Variants in MTHFD1L observed in about 807,000 individuals in gnomAD.
MTHFD1L encodes the protein methylenetetrahydrofolate dehydrogenase (NADP+ dependent) 1 like.
MTHFD1L carries 81 observed loss-of-function variants against 119.5 expected under a neutral mutation model. The ratio of observed to expected loss-of-function variants is 0.68; its 90% confidence interval spans 0.57 to 0.82. The LOEUF is 0.82. MTHFD1L is among the 40% of genes least tolerant of loss of function. The probability of loss-of-function intolerance (pLI) is 0.00; values close to 1 mark genes in which losing one functional copy is unlikely to be tolerated. For missense variants in MTHFD1L, 1,125 were observed against 1,253.4 expected, an observed-to-expected ratio of 0.90 and a Z score of 1.55; for synonymous variants, 430 against 475.2, an observed-to-expected ratio of 0.90 and a Z score of 1.24.
intron 12 of MTHFD1L, 125 bp downstream of exon 12, chr6:150,937,065 A>C: frequency 1.7e-6 from 2 of 1,197,596 alleles, no homozygotes; most frequent in Non-Finnish European, 2.3e-6. Context: ...TCTTCACTGC[A>C]CACTCAGTAC....
chr6:151,016,025 T>C (rs1782999357), intron 24 of MTHFD1L, among the ~76,000 whole-genome samples: 1 of 152,154 alleles, frequency 6.6e-6, no homozygotes, highest in African/African-American at 2.4e-5. Context: ...AGGTGGAGGC[T>C]GCAGTGAGCC....
At chr6:151,093,850 G>A (rs1794667570) in intron 27 of MTHFD1L, among the ~76,000 whole-genome samples, 2 of 152,152 alleles carry the variant, frequency 1.3e-5, no homozygotes, top group Admixed American at 6.5e-5. Context: ...GAAGGGCAGG[G>A]CAGCAGAAAG....
At position 150,952,667 on chromosome 6, in the gene MTHFD1L, C is replaced by T. The variant is rs548214902; in HGVS notation, c.1727-3328C>T. 2.6e-5 allele frequency among the ~76,000 whole-genome samples: 4 copies of T among 152,186 alleles called. No homozygotes were observed. The East Asian group carries it at 7.8e-4, about 30-fold the overall frequency. ...GCCTCAGCCTCCCGAGTAGCTGGGACTACAGGCATGCGCCACCATGCCCAG... is the reference window on the plus strand; with the variant it reads ...GCCTCAGCCTCCCGAGTAGCTGGGATTACAGGCATGCGCCACCATGCCCAG... On this transcript the variant is annotated intron_variant, in intron 16 of 27. Transcript: ENST00000367321.
chr6:150,885,583 A>G (rs1370504915), intron 5 of MTHFD1L, 51 bp from the exon 6 acceptor site: 7 of 1,421,460 alleles, frequency 4.9e-6, no homozygotes, highest in Non-Finnish European at 7.0e-6. Context: ...CACGTGAGTG[A>G]TTTTTTTGGC....
At chr6:150,896,943 T>TA (rs59564631) in intron 7 of MTHFD1L, among the ~76,000 whole-genome samples, 2,070 of 146,600 alleles carry the variant, frequency 0.014, 49 homozygotes, top group African/African-American at 0.047. Flanking sequence ...CTGTCTCTAC[T>TA]AAAAAAAAAA....
At chr6:150,999,944 C>T (rs182428147) in intron 20 of MTHFD1L, among the ~76,000 whole-genome samples, 1 of 152,226 alleles carries the variant, frequency 6.6e-6, no homozygotes, top group Admixed American at 6.5e-5. Context: ...TCCCCAGTAA[C>T]TTCCTCATGT....
intron 26 of MTHFD1L, among the ~76,000 whole-genome samples, chr6:151,081,498 C>CAAAAAAAAG (rs1793161527): frequency 1.0e-5 from 1 of 98,194 alleles, no homozygotes; most frequent in African/African-American, 4.6e-5. Flanking sequence ...ACTAAAAATG[C>CAAAAAAAAG]AAAAAAAAAA....
chr6:150,898,754 C>T (rs150269913), intron 7 of MTHFD1L: 3 of 303,182 alleles, frequency 9.9e-6, no homozygotes, highest in Non-Finnish European at 1.8e-5. Context: ...CCTGTTACCA[C>T]CCCCCATCTA....
At position 150,916,829 on chromosome 6, in the gene MTHFD1L, C is replaced by G. The variant is rs556745813; in HGVS notation, c.893-1748C>G. Among the ~76,000 whole-genome samples the G allele has an allele frequency of 1.7e-4, 21 of 126,924 alleles. No homozygotes were observed. The East Asian group carries it at 5.5e-3, about 33-fold the overall frequency. 83.3% of individuals were successfully genotyped at this position (126,924 alleles called of 152,430 possible). On this transcript the variant is annotated intron_variant, in intron 8 of 27. Transcript: ENST00000367321. Reference sequence around the variant, plus strand: ...CCAGGCTGGAGAGCAATGGCACGATCTCAGCTCACTGCAACCTCGGCCTCC... The same window carrying G: ...CCAGGCTGGAGAGCAATGGCACGATGTCAGCTCACTGCAACCTCGGCCTCC...
At chr6:150,901,892 TA>T (rs1659747406) in intron 7 of MTHFD1L, among the ~76,000 whole-genome samples, 1 of 152,226 alleles carries the variant, frequency 6.6e-6, no homozygotes, top group Non-Finnish European at 1.5e-5. Flanking sequence ...ACTGTGTTGG[TA>T]ACATTTGAAG....
At chr6:150,866,534 C>T (rs1778361090) in intron 1 of MTHFD1L, 1 of 1,271,980 alleles carries the variant, frequency 7.9e-7, no homozygotes, top group Non-Finnish European at 9.9e-7. Context: ...CCCAGCGCCG[C>T]CCGCGCGAAG....
chr6:150,916,404 C>G, intron 8 of MTHFD1L, among the ~76,000 whole-genome samples: 2 of 131,794 alleles, frequency 1.5e-5, no homozygotes, highest in Non-Finnish European at 3.1e-5. Context: ...CAGGTTCAAG[C>G]GATTCTCTGC....
At chr6:151,052,203 G>A (rs1789168184) in intron 26 of MTHFD1L, among the ~76,000 whole-genome samples, 1 of 152,198 alleles carries the variant, frequency 6.6e-6, no homozygotes, top group East Asian at 1.9e-4. Flanking sequence ...TGCCAAGTTG[G>A]CCATCAGACA....
intron 20 of MTHFD1L, among the ~76,000 whole-genome samples, chr6:150,995,953 G>C (rs555917225): frequency 6.6e-6 from 1 of 152,144 alleles, no homozygotes; most frequent in Non-Finnish European, 1.5e-5. Flanking sequence ...GAGCCACGGT[G>C]CCTGGCCAAC....
chr6:150,945,649 A>G (rs928237138), intron 15 of MTHFD1L, 108 bp downstream of exon 15: 1 of 1,060,562 alleles, frequency 9.4e-7, no homozygotes, highest in African/African-American at 1.6e-5. Context: ...GTTTTCAGAT[A>G]TCCTTTTGGG....
At chr6:151,099,765 C>T in intron 27 of MTHFD1L, 3 of 1,608,922 alleles carry the variant, frequency 1.9e-6, no homozygotes, top group Non-Finnish European at 2.5e-6. Context: ...TCCTGGTCCA[C>T]AACGTCAAGG....
intron 24 of MTHFD1L, among the ~76,000 whole-genome samples, chr6:151,031,558 A>G (rs1258310841): frequency 6.6e-6 from 1 of 152,264 alleles, no homozygotes; most frequent in Non-Finnish European, 1.5e-5. Context: ...GAAAGCTCAG[A>G]GAGTTTTAAC....
chr6:151,032,613 C>G (rs1309191168), intron 24 of MTHFD1L, among the ~76,000 whole-genome samples: 1 of 152,134 alleles, frequency 6.6e-6, no homozygotes, highest in Non-Finnish European at 1.5e-5. Context: ...GGCCAAGTAA[C>G]CAAAAATGAG....
intron 8 of MTHFD1L, among the ~76,000 whole-genome samples, chr6:150,917,250 A>T (rs1366849469): frequency 2.0e-5 from 3 of 151,826 alleles, no homozygotes; most frequent in African/African-American, 4.8e-5. Context: ...TAGGCCAGGC[A>T]TGGTGGCTCG....
Sources: gnomAD v4.1 joint callset for allele counts (sites outside exome capture counted in the v4.1 genomes callset) on GRCh38, gnomAD v4.1.1 for gene constraint, MANE v1.5 for transcripts, NCBI Gene and HGNC (gene_info 2026-07-23, HGNC 2026-07-21) for gene names.